Variants in ERC2 observed in about 807,000 individuals in gnomAD.
ERC2 encodes the protein ELKS/RAB6-interacting/CAST family member 2, also known as ERC protein 2.
In ERC2, 42 loss-of-function variants were observed where a neutral mutation model predicts 114.8. The ratio of observed to expected loss-of-function variants is 0.37; its 90% CI spans 0.29 to 0.47. The LOEUF is 0.47. ERC2 is among the 20% of genes least tolerant of loss of function. The pLI is 0.99. For missense variants in ERC2, 939 were observed against 1,150.7 expected (o/e 0.82, Z 2.66); for synonymous variants, 454 against 425.5 (o/e 1.07, Z -0.82).
intron 17 of ERC2, among the ~76,000 whole-genome samples, chr3:55,526,334 C>T (rs1486006216): frequency 6.6e-6 from 1 of 152,154 alleles, no homozygotes; most frequent in Non-Finnish European, 1.5e-5. Flanking sequence ...CCCTAGGAAA[C>T]TAATACAGGA....
chr3:55,750,712 A>C (rs2066645048), intron 14 of ERC2, among the ~76,000 whole-genome samples: 1 of 152,190 alleles, frequency 6.6e-6, no homozygotes, highest in Non-Finnish European at 1.5e-5. Flanking sequence ...TAGTTGCATA[A>C]CTTTCAAGGA....
At position 56,285,973 on chromosome 3, in the gene ERC2, A is replaced by C. The variant is rs116208053; in HGVS notation, c.1074+10046T>G. ...CCACTTCTCTGGTGATTCTTAAAGA[A>C]GTCTTTGTTCACAGTCCCTTTGGAA... On this transcript the variant is annotated intron_variant, in intron 3 of 17. Transcript: ENST00000288221. 9.0e-3 allele frequency among the ~76,000 whole-genome samples: 1,375 copies of C among 152,306 alleles called. 25 individuals are homozygous for C. The highest frequency in any genetic ancestry group is 0.032 in the African/African-American group (1,312 of 41,562).
intron 14 of ERC2, among the ~76,000 whole-genome samples, chr3:55,808,458 C>T (rs917365016): frequency 7.9e-5 from 12 of 151,804 alleles, no homozygotes; most frequent in Admixed American, 7.9e-4. Flanking sequence ...GTAACCCCAC[C>T]TTCAACAGAA....
At chr3:56,098,970 C>T (rs964427429) in intron 6 of ERC2, among the ~76,000 whole-genome samples, 2 of 152,138 alleles carry the variant, frequency 1.3e-5, no homozygotes, top group African/African-American at 4.8e-5. Flanking sequence ...TGTCCATGTT[C>T]CAGAACCTGT....
chr3:56,379,201 T>C (rs1405836623), intron 2 of ERC2, among the ~76,000 whole-genome samples: 1 of 152,180 alleles, frequency 6.6e-6, no homozygotes, highest in Non-Finnish European at 1.5e-5. Flanking sequence ...GAGTATACCA[T>C]ATTGGCTATT....
chr3:56,115,793 G>A (rs1280815233), intron 6 of ERC2, among the ~76,000 whole-genome samples: 1 of 151,872 alleles, frequency 6.6e-6, no homozygotes, highest in African/African-American at 2.4e-5. Context: ...GATTACAAGG[G>A]ACTCACCTTT....
intron 3 of ERC2, among the ~76,000 whole-genome samples, chr3:56,228,809 T>C (rs2050417323): frequency 6.6e-6 from 1 of 152,178 alleles, no homozygotes; most frequent in African/African-American, 2.4e-5. Context: ...AAGTGTAAAA[T>C]AACTAAAGAG....
At chr3:55,526,214 G>C (rs940125335) in intron 17 of ERC2, among the ~76,000 whole-genome samples, 2 of 152,184 alleles carry the variant, frequency 1.3e-5, no homozygotes, top group African/African-American at 2.4e-5. Context: ...GCTTCGAAGA[G>C]GGAATGGCCC....
intron 7 of ERC2, among the ~76,000 whole-genome samples, chr3:56,032,984 AAAGAAAGAAAGAAAGAAAG>A (rs1446065619): frequency 3.9e-5 from 3 of 77,366 alleles, no homozygotes; most frequent in African/African-American, 1.2e-4. Context: ...AAAGAGAAAG[AAAGAAAGAAAGAAAGAAAG>A]AAAGAAAGAA....
chr3:55,552,747 T>C lies in ERC2; in HGVS notation c.*40-41471A>G, dbSNP rs139800003. Among the ~76,000 whole-genome samples, 536 of 152,054 alleles carry C rather than the reference T, an allele frequency of 3.5e-3. 2 individuals carry two copies. The highest frequency in any genetic ancestry group is 0.012 in the African/African-American group (485 of 41,534). On this transcript the variant is annotated intron_variant, in intron 17 of 17. Coordinates refer to ENST00000288221, the MANE Select transcript of ERC2 (RefSeq NM_015576.3). ...TATAATTTCTGCTGGTTTAAGAACATTTAAATGGAGTTCTCCTCTAGGGAG... is the reference window on the plus strand; with the variant it reads ...TATAATTTCTGCTGGTTTAAGAACACTTAAATGGAGTTCTCCTCTAGGGAG...
chr3:55,906,677 A>G (rs2064473953), intron 13 of ERC2, among the ~76,000 whole-genome samples: 1 of 152,164 alleles, frequency 6.6e-6, no homozygotes, highest in African/African-American at 2.4e-5. Flanking sequence ...CACTTTCCAA[A>G]GGGCATTCAA....
At chr3:55,827,460 GGGGA>G (rs948151122) in intron 14 of ERC2, among the ~76,000 whole-genome samples, 3 of 151,612 alleles carry the variant, frequency 2.0e-5, no homozygotes, top group African/African-American at 7.3e-5. Context: ...GGAAGAGAAG[GGGGA>G]AAAAGAGGAA....
intron 17 of ERC2, among the ~76,000 whole-genome samples, chr3:55,673,671 C>G (rs2061657461): frequency 6.6e-6 from 1 of 152,126 alleles, no homozygotes; most frequent in South Asian, 2.1e-4. Flanking sequence ...GCCCCAGCAC[C>G]AGGGGAGACA....
At chr3:56,360,341 GTCT>G (rs2150556058) in intron 2 of ERC2, among the ~76,000 whole-genome samples, 1 of 152,074 alleles carries the variant, frequency 6.6e-6, no homozygotes, top group South Asian at 2.1e-4. Context: ...GCCAACAAAA[GTCT>G]TCTTAATAGT....
intron 2 of ERC2, among the ~76,000 whole-genome samples, chr3:56,329,472 A>G (rs1472163248): frequency 6.6e-6 from 1 of 152,186 alleles, no homozygotes; most frequent in Admixed American, 6.5e-5. Context: ...ATTGTGAGAA[A>G]GTCACCATTT....
intron 12 of ERC2, among the ~76,000 whole-genome samples, chr3:55,975,815 C>A (rs2069546411): frequency 6.6e-6 from 1 of 152,206 alleles, no homozygotes; most frequent in African/African-American, 2.4e-5. Flanking sequence ...TTCTTCTGAG[C>A]ATGCCTTCTA....
At chr3:55,760,690 C>T (rs182937710) in intron 14 of ERC2, among the ~76,000 whole-genome samples, 20 of 152,316 alleles carry the variant, frequency 1.3e-4, no homozygotes, top group African/African-American at 3.8e-4. Context: ...TGGCTTTCCA[C>T]GGGGTGTCTC....
chr3:55,677,459 C>G (rs932159820), intron 17 of ERC2, among the ~76,000 whole-genome samples: 2 of 152,118 alleles, frequency 1.3e-5, no homozygotes, highest in Non-Finnish European at 2.9e-5. Flanking sequence ...TTTATGGATA[C>G]AGTACACTTT....
chr3:56,040,731 TC>T (rs1236038792), intron 7 of ERC2, among the ~76,000 whole-genome samples: 1 of 141,320 alleles, frequency 7.1e-6, no homozygotes, highest in Non-Finnish European at 1.5e-5. Flanking sequence ...TATAGATATA[TC>T]TCTATATATA....
Sources: gnomAD v4.1 joint callset for allele counts (sites outside exome capture counted in the v4.1 genomes callset) on GRCh38, gnomAD v4.1.1 for gene constraint, MANE v1.5 for transcripts, NCBI Gene and HGNC (gene_info 2026-07-23, HGNC 2026-07-21) for gene names.